Variants in VSIG10 observed in about 807,000 individuals in gnomAD.
VSIG10 encodes the protein V-set and immunoglobulin domain-containing protein 10.
VSIG10 carries 48 observed loss-of-function variants against 58.7 expected under a neutral mutation model. The observed-to-expected ratio is 0.82, with a 90% CI of 0.65 to 1.04. The LOEUF (loss-of-function observed/expected upper bound fraction) is 1.04, where lower values mean the gene tolerates loss of function less well. Among genes scored for constraint, VSIG10 ranks in the 50% least tolerant of loss-of-function variants. VSIG10 has a pLI of 0.00. For missense variants in VSIG10, 628 were observed against 670.0 expected (o/e 0.94, Z 0.69); for synonymous variants, 260 against 267.1 (o/e 0.97, Z 0.26).
chr12:118,068,293 C>T (rs2032336024), intron 8 of VSIG10, 84 bp downstream of exon 8: 1 of 1,454,752 alleles, frequency 6.9e-7, no homozygotes, highest in Non-Finnish European at 9.3e-7. Flanking sequence ...CCTTGGCCTC[C>T]CAAAGTGCTG....
chr12:118,092,189 C>T (rs1454667971), intron 2 of VSIG10, among the ~76,000 whole-genome samples: 1 of 152,146 alleles, frequency 6.6e-6, no homozygotes, highest in Non-Finnish European at 1.5e-5. Context: ...TCCTGAATGG[C>T]TGGGACTACA....
At chr12:118,101,021 T>C (rs2033610127) in intron 1 of VSIG10, among the ~76,000 whole-genome samples, 1 of 152,250 alleles carries the variant, frequency 6.6e-6, no homozygotes, top group African/African-American at 2.4e-5. Flanking sequence ...GGTGAAACTT[T>C]AGTCTTGGAA....
At position 118,079,353 on chromosome 12, in the gene VSIG10, C is replaced by T. The variant is rs775999530; in HGVS notation, c.918G>A (p.Val306=). The T allele has an allele frequency of 6.2e-7, 1 of 1,613,960 alleles. No homozygotes were observed. Among genetic ancestry groups the T allele is most frequent in the South Asian group, 1.1e-5 (1 of 91,078 alleles). ...AAAGCAAAACAGACTCACTGATCTG[C>T]ACCATGCAGCTGGCGCCCGACTCTG... ...VGPESGASCM[V]QIRGPSLLSE... is the part of the protein sequence containing the mutation. The change falls in exon 4 of 9, where the codon GTG becomes GTA. Residue 306 remains valine, a synonymous_variant. Coordinates refer to ENST00000359236, the MANE Select transcript of VSIG10 (RefSeq NM_019086.6).
intron 5 of VSIG10, among the ~76,000 whole-genome samples, 165 bp downstream of exon 5, chr12:118,073,534 G>A (rs984732141): frequency 3.9e-5 from 6 of 152,162 alleles, no homozygotes; most frequent in Non-Finnish European, 5.9e-5. Context: ...GTTTAGGGTT[G>A]GATAATTTCT....
Position 118,079,480 on chromosome 12 carries a change from C to T in VSIG10, c.791G>A (p.Gly264Asp), listed in dbSNP as rs537916127. The T allele has an allele frequency of 6.2e-7, 1 of 1,614,052 alleles. No homozygotes were observed. The highest frequency in any genetic ancestry group is 1.1e-5 in the South Asian group (1 of 91,086). Residue 264 changes from glycine to aspartate, a missense_variant, in exon 4 of 9, where the codon GGT becomes GAT. Transcript: ENST00000359236. ...PDFLWIEEPG[G>D]VIVGKSKLGV... is the part of the protein sequence containing the mutation. ...CAGCTTTGACTTCCCCACGATTACACCTCCTGGCTCTTCTATCCACAGGAA... is the reference window on the plus strand; with the variant it reads ...CAGCTTTGACTTCCCCACGATTACATCTCCTGGCTCTTCTATCCACAGGAA...
At chr12:118,084,432 T>C (rs1471841525) in intron 2 of VSIG10, among the ~76,000 whole-genome samples, 1 of 152,174 alleles carries the variant, frequency 6.6e-6, no homozygotes, top group Non-Finnish European at 1.5e-5. Flanking sequence ...ACTTCTTCAA[T>C]GGGATAAGGT....
At chr12:118,079,263 C>T in intron 4 of VSIG10, 83 bp downstream of exon 4, 2 of 1,528,522 alleles carry the variant, frequency 1.3e-6, no homozygotes, top group South Asian at 1.2e-5. Context: ...GGATTTCTTC[C>T]TCAGAAGAAC....
At chr12:118,080,801 A>T (rs561331049) in intron 3 of VSIG10, among the ~76,000 whole-genome samples, 2 of 152,184 alleles carry the variant, frequency 1.3e-5, no homozygotes, top group Non-Finnish European at 2.9e-5. Flanking sequence ...TGAGCCATTC[A>T]TATGAAGTGT....
intron 3 of VSIG10, among the ~76,000 whole-genome samples, chr12:118,080,939 A>T (rs2032926353): frequency 6.6e-6 from 1 of 152,142 alleles, no homozygotes; most frequent in African/African-American, 2.4e-5. Flanking sequence ...GTTATCTGGG[A>T]TAACAAAAAT....
At position 118,071,467 on chromosome 12, in the gene VSIG10, G is replaced by T; in HGVS notation, c.1222C>A (p.Pro408Thr). 1 of 1,613,344 alleles carries T rather than the reference G, an allele frequency of 6.2e-7. No individual in the cohort carries two copies. The highest frequency in any genetic ancestry group is 1.3e-5 in the African/African-American group (1 of 75,020). Reference sequence around the variant, plus strand: ...CCCACAATCCCCCCGATATTTAAAGGTTCTGTAAAGACAAATCACACCATT... The same window carrying T: ...CCCACAATCCCCCCGATATTTAAAGTTTCTGTAAAGACAAATCACACCATT... ...EMEIWLSVKEPLNIGGIVGTI... is the reference protein window; with the variant it reads ...EMEIWLSVKETLNIGGIVGTI... Residue 408 changes from proline (P) to threonine (T), a missense_variant and splice_region_variant, in exon 6 of 9, where the codon CCT (proline) becomes ACT (threonine). Transcript: ENST00000359236.
chr12:118,071,261 CAG>C (rs2032478286), intron 6 of VSIG10, 96 bp downstream of exon 6: 1 of 1,336,000 alleles, frequency 7.5e-7, no homozygotes, highest in Non-Finnish European at 1.1e-6. Context: ...GCCCAGAGAA[CAG>C]AACTTCAGGT....
At chr12:118,094,980 T>C (rs2033405650) in intron 2 of VSIG10, among the ~76,000 whole-genome samples, 2 of 151,760 alleles carry the variant, frequency 1.3e-5, no homozygotes, top group South Asian at 4.2e-4. Context: ...CTTGGCTCAC[T>C]GCAACCTCCG....
chr12:118,071,193 G>A, intron 6 of VSIG10, 126 bp from the exon 7 acceptor site: 1 of 1,244,976 alleles, frequency 8.0e-7, no homozygotes, highest in Non-Finnish European at 1.2e-6. Flanking sequence ...CAGGTGATAG[G>A]GTGTCCCGGG....
intron 1 of VSIG10, 121 bp from the exon 2 acceptor site, chr12:118,095,935 T>C (rs967899327): frequency 3.8e-6 from 5 of 1,319,822 alleles, no homozygotes; most frequent in East Asian, 2.5e-5. Flanking sequence ...TTTTTTTTTT[T>C]TTTTTTTTGA....
At position 118,095,417 on chromosome 12, in the gene VSIG10, G is replaced by A. The variant is rs557617810; in HGVS notation, c.361+116C>T. On this transcript the variant is annotated intron_variant, in intron 2 of 8. Coordinates refer to ENST00000359236, the MANE Select transcript of VSIG10 (RefSeq NM_019086.6). ...AGGTCCCTCAGCTTCCATGTGGCAG[G>A]GCCCAGAATGATTTCCAGGCCATCC... is the stretch of plus-strand genomic sequence containing the variant. The A allele has an allele frequency of 8.3e-6, 11 of 1,322,280 alleles. No homozygotes were observed. The South Asian group carries it at 1.4e-4, about 17-fold the overall frequency. The allele number at this position is 1,322,280 out of a possible 1,614,324, so 81.9% of individuals were successfully genotyped here. A position where few individuals can be genotyped will look rare whatever the true frequency, so the allele number is the denominator to read the frequency against.
In VSIG10 at chr12:118,095,507, C is replaced by T. The variant is rs761471134; in HGVS notation, c.361+26G>A. 5 of 1,612,550 alleles carry T rather than the reference C, an allele frequency of 3.1e-6. No homozygotes were observed. The South Asian group carries it at 3.3e-5, about 11-fold the overall frequency. On this transcript the variant is annotated intron_variant, in intron 2 of 8. Coordinates refer to ENST00000359236, the MANE Select transcript of VSIG10 (RefSeq NM_019086.6). ...TCCAAGGCTCCGAGCACCTCTCCAG[C>T]CCCGGTCCCTGCCAGCCCCACTTAC...
chr12:118,099,227 C>A (rs1214652680), intron 1 of VSIG10, among the ~76,000 whole-genome samples: 1 of 151,628 alleles, frequency 6.6e-6, no homozygotes, highest in Non-Finnish European at 1.5e-5. Flanking sequence ...GCACTCCAGC[C>A]TGGGCAGCAG....
intron 8 of VSIG10, 45 bp downstream of exon 8, chr12:118,068,332 T>C: frequency 6.3e-7 from 1 of 1,598,598 alleles, no homozygotes; most frequent in Non-Finnish European, 8.5e-7. Flanking sequence ...AACGCGCCTT[T>C]TTTTGTTTGT....
chr12:118,096,980 G>A (rs373456113), intron 1 of VSIG10, among the ~76,000 whole-genome samples: 31 of 152,096 alleles, frequency 2.0e-4, no homozygotes, highest in East Asian at 1.4e-3. Context: ...TGGAGGTTGC[G>A]GTGAGCCGAG....
Sources: allele counts gnomAD v4.1 joint callset (sites outside exome capture counted in the v4.1 genomes callset), GRCh38; gene constraint gnomAD v4.1.1; transcripts MANE v1.5; gene names NCBI Gene and HGNC (gene_info 2026-07-23, HGNC 2026-07-21).